The following DNAH14 variants were observed in gnomAD, a reference collection of about 807,000 sequenced individuals.
DNAH14 encodes the protein axonemal beta dynein heavy chain 14.
DNAH14 carries 478 observed loss-of-function variants against 520.9 expected under a neutral mutation model. The observed-to-expected ratio is 0.92, with a 90% CI of 0.85 to 0.99. The LOEUF is 0.99. Among genes scored for constraint, DNAH14 ranks in the 50% least tolerant of loss-of-function variants. The pLI is 0.00. For synonymous variants in DNAH14, 1,581 were observed against 1,757.2 expected, an observed-to-expected ratio of 0.90 and a Z score of 2.51; for missense variants, 4,831 against 5,234.5, an observed-to-expected ratio of 0.92 and a Z score of 2.38.
chr1:225,093,392 T>A (rs939234169), intron 21 of DNAH14, among the ~76,000 whole-genome samples: 6 of 152,170 alleles, frequency 3.9e-5, no homozygotes, highest in African/African-American at 1.4e-4. Flanking sequence ...CACATGATTA[T>A]CTCAATAGAT....
At chr1:225,224,000 T>C (rs2090300002) in intron 41 of DNAH14, among the ~76,000 whole-genome samples, 3 of 152,264 alleles carry the variant, frequency 2.0e-5, no homozygotes, top group South Asian at 4.2e-4. Context: ...CCTGAAAAAG[T>C]ACAATTTTCC....
intron 11 of DNAH14, among the ~76,000 whole-genome samples, chr1:225,029,887 C>T (rs909315368): frequency 3.3e-5 from 5 of 151,936 alleles, no homozygotes; most frequent in Non-Finnish European, 7.4e-5. Context: ...TTCTACCATC[C>T]TAAAAGTTTC....
chr1:225,376,334 T>C (rs920293319), intron 78 of DNAH14, among the ~76,000 whole-genome samples: 2 of 151,864 alleles, frequency 1.3e-5, no homozygotes, highest in Non-Finnish European at 1.5e-5. Context: ...GGCTGAGGCA[T>C]GAGAATCACT....
intron 37 of DNAH14, among the ~76,000 whole-genome samples, chr1:225,188,151 C>T (rs1171025925): frequency 1.3e-5 from 2 of 151,868 alleles, no homozygotes; most frequent in African/African-American, 4.8e-5. Flanking sequence ...ATAGTAGTCT[C>T]CCTGTATTCA....
At chr1:225,051,956 A>T (rs2068579548) in intron 17 of DNAH14, among the ~76,000 whole-genome samples, 161 bp downstream of exon 17, 1 of 152,216 alleles carries the variant, frequency 6.6e-6, no homozygotes, top group African/African-American at 2.4e-5. Context: ...AGAAAATTTT[A>T]ATGTGTATTA....
chr1:225,043,146 G>C, intron 13 of DNAH14, 32 bp downstream of exon 13: 1 of 1,521,836 alleles, frequency 6.6e-7, no homozygotes, highest in South Asian at 1.3e-5. Context: ...AGAATGAGGG[G>C]TTGCCAGGTG....
Position 225,055,449 on chromosome 1 carries a change from C to G in DNAH14, c.2424+3654C>G, listed in dbSNP as rs1009353374. ...TCATAGTTTACTGTAACCTCAAACT[C>G]AAGTGATCCTCCCACCTGAGCCTCC... On this transcript the variant is annotated intron_variant, in intron 17 of 85. Coordinates refer to ENST00000682510, the MANE Select transcript of DNAH14 (RefSeq NM_001367479.1). Among the ~76,000 whole-genome samples, 6 of 152,198 alleles carry G rather than the reference C, an allele frequency of 3.9e-5. No homozygotes were observed. In the South Asian group the frequency reaches 1.0e-3, roughly 26 times the overall value.
chr1:225,129,069 T>G (rs1393759211), intron 27 of DNAH14, among the ~76,000 whole-genome samples: 2 of 152,058 alleles, frequency 1.3e-5, no homozygotes, highest in Non-Finnish European at 2.9e-5. Context: ...CATTCACAAT[T>G]GCTTCAAAGA....
At chr1:225,348,098 G>T (rs545087919) in intron 71 of DNAH14, among the ~76,000 whole-genome samples, 2 of 151,866 alleles carry the variant, frequency 1.3e-5, no homozygotes, top group African/African-American at 4.8e-5. Context: ...TTATTACAGG[G>T]GTTCAACAGC....
In DNAH14 at chr1:224,974,164, A is replaced by G; in HGVS notation, c.830+11A>G. On this transcript the variant is annotated intron_variant, in intron 8 of 85. Coordinates refer to ENST00000682510, the MANE Select transcript of DNAH14 (RefSeq NM_001367479.1). ...GACAGAGAAGAGCAGGTAAGTTTTG[A>G]TACGCAATATATAAAAATTTCAAAA... 2 of 1,444,792 alleles carry G rather than the reference A, an allele frequency of 1.4e-6. No homozygotes were observed. Among genetic ancestry groups the G allele is most frequent in the East Asian group, 2.6e-5 (1 of 37,780 alleles). The allele number at this position is 1,444,792 out of a possible 1,614,324, so 89.5% of individuals were successfully genotyped here. A position where few individuals can be genotyped will look rare whatever the true frequency, so the allele number is the denominator to read the frequency against.
At chr1:224,994,248 G>A (rs1180440714) in intron 8 of DNAH14, among the ~76,000 whole-genome samples, 1 of 151,924 alleles carries the variant, frequency 6.6e-6, no homozygotes, top group Non-Finnish European at 1.5e-5. Context: ...CTGTCTGAAT[G>A]ATCTGTCCAT....
chr1:225,278,489 C>T (rs900564859), intron 54 of DNAH14, among the ~76,000 whole-genome samples: 3 of 152,152 alleles, frequency 2.0e-5, no homozygotes, highest in African/African-American at 7.2e-5. Flanking sequence ...TTCCCTAACG[C>T]ACCTCTTTTC....
intron 64 of DNAH14, among the ~76,000 whole-genome samples, chr1:225,325,830 A>G (rs903579059): frequency 3.3e-5 from 5 of 152,206 alleles, no homozygotes; most frequent in Non-Finnish European, 7.4e-5. Context: ...CTTTTCCTGA[A>G]AACTCAGATA....
Position 225,364,775 on chromosome 1 carries a change from A to C in DNAH14, c.11988-17A>C. The C allele has an allele frequency of 6.7e-7, 1 of 1,492,720 alleles. No homozygotes were observed. The highest frequency in any genetic ancestry group is 2.4e-5 in the Admixed American group (1 of 42,202). The allele number at this position is 1,492,720 out of a possible 1,614,324, so 92.5% of individuals were successfully genotyped here. ...CATTTTTCACATTAAAATATTTATA[A>C]ATTTTTTATTTTGCAGTTTTAATAG... On this transcript the variant is annotated splice_polypyrimidine_tract_variant and intron_variant, in intron 75 of 85. Coordinates refer to ENST00000682510, the MANE Select transcript of DNAH14 (RefSeq NM_001367479.1).
intron 1 of DNAH14, among the ~76,000 whole-genome samples, chr1:224,931,916 G>A (rs2058721208): frequency 6.6e-6 from 1 of 152,158 alleles, no homozygotes; most frequent in African/African-American, 2.4e-5. Flanking sequence ...CAATAAATGT[G>A]TGAGTGCAGG....
At chr1:224,969,581 C>T in intron 7 of DNAH14, 1 of 219,954 alleles carries the variant, frequency 4.5e-6, no homozygotes, top group Admixed American at 5.9e-5. Flanking sequence ...ATCATTTTCA[C>T]ATTGAGTAGG....
intron 1 of DNAH14, among the ~76,000 whole-genome samples, chr1:224,930,402 C>T (rs972139738): frequency 9.9e-5 from 15 of 152,080 alleles, no homozygotes; most frequent in Non-Finnish European, 1.8e-4. Context: ...CTCATAACAG[C>T]GGTAGTCCCA....
chr1:225,280,059 G>A (rs2093591764), intron 54 of DNAH14, among the ~76,000 whole-genome samples: 1 of 151,682 alleles, frequency 6.6e-6, no homozygotes, highest in African/African-American at 2.4e-5. Flanking sequence ...CTTCACTAGA[G>A]GAGCTCAACA....
intron 8 of DNAH14, 128 bp from the exon 9 acceptor site, chr1:225,002,655 G>A (rs878920222): frequency 2.5e-5 from 23 of 915,294 alleles, no homozygotes; most frequent in African/African-American, 1.5e-4. Context: ...AATCATTATC[G>A]TTTAAAATGG....
Sources: allele counts gnomAD v4.1 joint callset (sites outside exome capture counted in the v4.1 genomes callset), GRCh38; gene constraint gnomAD v4.1.1; transcripts MANE v1.5; gene names NCBI Gene and HGNC (gene_info 2026-07-23, HGNC 2026-07-21).